Variants in CDC42BPB observed in about 807,000 individuals in gnomAD.
CDC42BPB encodes CDC42 binding protein kinase beta, also known as serine/threonine-protein kinase MRCK beta.
CDC42BPB carries 37 observed loss-of-function variants against 214.9 expected under a neutral mutation model. The ratio of observed to expected loss-of-function variants is 0.17; its 90% CI spans 0.13 to 0.23. The LOEUF (loss-of-function observed/expected upper bound fraction) is 0.23, where lower values mean the gene tolerates loss of function less well. Ranked by LOEUF, CDC42BPB falls within the 10% of genes least tolerant of loss-of-function variation. The pLI is 1.00. For synonymous variants in CDC42BPB, 931 were observed against 884.0 expected, an observed-to-expected ratio of 1.05 and a Z score of -0.94; for missense variants, 1,694 against 2,227.0, an observed-to-expected ratio of 0.76 and a Z score of 4.82.
chr14:103,014,832 G>C (rs1886363854), intron 1 of CDC42BPB, among the ~76,000 whole-genome samples: 1 of 152,160 alleles, frequency 6.6e-6, no homozygotes, highest in African/African-American at 2.4e-5. Context: ...ACTCCAGCCT[G>C]GGCGACAGAG....
chr14:103,025,513 A>G (rs1164887262), intron 1 of CDC42BPB, among the ~76,000 whole-genome samples: 2 of 151,930 alleles, frequency 1.3e-5, no homozygotes, highest in Non-Finnish European at 2.9e-5. Flanking sequence ...CATTAAAAAA[A>G]AAAAAAGAAA....
chr14:103,042,871 C>T (rs1009661451), intron 1 of CDC42BPB, among the ~76,000 whole-genome samples: 7 of 152,190 alleles, frequency 4.6e-5, no homozygotes, highest in African/African-American at 1.7e-4. Context: ...CTGGCAGTTC[C>T]TCAGGATGCT....
intron 1 of CDC42BPB, among the ~76,000 whole-genome samples, chr14:103,054,905 C>G (rs561833041): frequency 1.3e-5 from 2 of 152,252 alleles, no homozygotes; most frequent in Non-Finnish European, 2.9e-5. Context: ...CCAGGGAAGC[C>G]CACCAGTAAT....
chr14:102,938,456 G>A, intron 34 of CDC42BPB, 45 bp from the exon 35 acceptor site: 1 of 1,506,072 alleles, frequency 6.6e-7, no homozygotes, highest in South Asian at 1.3e-5. Context: ...TTGACACCCG[G>A]CAGGGCCGGC....
chr14:103,046,664 C>CT (rs948797783), intron 1 of CDC42BPB, among the ~76,000 whole-genome samples: 6 of 151,884 alleles, frequency 4.0e-5, no homozygotes, highest in African/African-American at 1.5e-4. Flanking sequence ...AACAACAACA[C>CT]TTTTTTTTGG....
chr14:102,939,625 G>T lies in CDC42BPB; in HGVS notation c.4812C>A (p.Leu1604=). ...HMGPGDGMQV[L]MDLPLSAVPP... Reference sequence around the variant, plus strand: ...GTGCACGCACCAGAGGCAGGTCCATGAGCACCTGCATGCCGTCGCCTGGGC... The same window carrying T: ...GTGCACGCACCAGAGGCAGGTCCATTAGCACCTGCATGCCGTCGCCTGGGC... Residue 1604 remains leucine (L), a synonymous_variant, in exon 34 of 37, where the codon CTC becomes CTA. Transcript: ENST00000361246. 2 of 1,612,094 alleles carry T rather than the reference G, an allele frequency of 1.2e-6. No individual in the cohort carries two copies. Among genetic ancestry groups the T allele is most frequent in the South Asian group, 1.1e-5 (1 of 91,052 alleles).
intron 6 of CDC42BPB, 37 bp downstream of exon 6, chr14:102,986,450 C>A: frequency 1.3e-6 from 2 of 1,546,958 alleles, no homozygotes; most frequent in East Asian, 2.3e-5. Flanking sequence ...ATGCCAAACC[C>A]AAAACCAAAT....
intron 30 of CDC42BPB, chr14:102,941,133 T>G: frequency 1.0e-6 from 1 of 985,472 alleles, no homozygotes; most frequent in East Asian, 1.1e-4. Context: ...AGTCCCTCTG[T>G]GTGGGTGGCA....
At chr14:102,992,248 G>A (rs1007005552) in intron 5 of CDC42BPB, among the ~76,000 whole-genome samples, 1 of 152,150 alleles carries the variant, frequency 6.6e-6, no homozygotes, top group African/African-American at 2.4e-5. Flanking sequence ...GAATACCTGT[G>A]ACATATCTCA....
intron 1 of CDC42BPB, among the ~76,000 whole-genome samples, chr14:103,016,933 G>T (rs1444980477): frequency 6.6e-6 from 1 of 152,156 alleles, no homozygotes; most frequent in African/African-American, 2.4e-5. Flanking sequence ...CTCCAGAGCT[G>T]GGTCAGGAAA....
intron 1 of CDC42BPB, among the ~76,000 whole-genome samples, chr14:103,052,770 C>T (rs2301126): frequency 6.6e-5 from 10 of 152,050 alleles, no homozygotes; most frequent in Non-Finnish European, 1.5e-4. Flanking sequence ...CCTGGTCTGA[C>T]GGCCACACAG....
In CDC42BPB at chr14:102,940,026, C is replaced by T. The variant is rs531719890; in HGVS notation, c.4591+20G>A. On this transcript the variant is annotated intron_variant, in intron 32 of 36. Transcript: ENST00000361246. ...CTCCAACTTCCCTTCCCTCCACTCC[C>T]GGTGCAGAGGAAGGCTCACCCGAGA... 1.5e-5 allele frequency: 24 copies of T among 1,613,940 alleles called. No homozygotes were observed. Among genetic ancestry groups the T allele is most frequent in the African/African-American group, 5.3e-5 (4 of 75,080 alleles).
At chr14:102,960,494 T>C (rs979137489) in intron 20 of CDC42BPB, among the ~76,000 whole-genome samples, 2 of 152,166 alleles carry the variant, frequency 1.3e-5, no homozygotes, top group African/African-American at 2.4e-5. Flanking sequence ...TGGTGGCATG[T>C]GCCTGTGGTC....
chr14:102,984,483 G>A (rs1001508707), intron 6 of CDC42BPB, among the ~76,000 whole-genome samples: 10 of 152,110 alleles, frequency 6.6e-5, no homozygotes, highest in African/African-American at 2.4e-4. Context: ...CCTGGACAGC[G>A]CACCAGGAGG....
rs1296133713 is a variant in CDC42BPB at position 102,966,682 on chromosome 14, CT to C, written c.2472-296del. On this transcript the variant is annotated intron_variant, in intron 17 of 36. Transcript: ENST00000361246. Reference sequence around the variant, plus strand: ...CCCACAAAAATTAAAAATAAAAACTCTTTTTTTAATTACAACTTCACACCTT... The same window carrying C: ...CCCACAAAAATTAAAAATAAAAACTCTTTTTTAATTACAACTTCACACCTT... The C allele has an allele frequency of 1.6e-5, 4 of 245,256 alleles. No individual in the cohort carries two copies. The South Asian group carries it at 4.5e-4, about 28-fold the overall frequency. 15.2% of individuals were successfully genotyped at this position (245,256 alleles called of 1,614,324 possible).
chr14:102,961,346 T>G (rs1453767820), intron 20 of CDC42BPB, among the ~76,000 whole-genome samples: 2 of 152,110 alleles, frequency 1.3e-5, no homozygotes. Context: ...TTTTTTTTTT[T>G]TCTTGACAGA....
intron 5 of CDC42BPB, among the ~76,000 whole-genome samples, chr14:102,993,458 T>A: frequency 6.6e-6 from 1 of 151,976 alleles, no homozygotes; most frequent in Non-Finnish European, 1.5e-5. Context: ...CGTCCACCAG[T>A]TTTTCTGCAT....
At chr14:103,016,578 T>TG (rs796964829) in intron 1 of CDC42BPB, among the ~76,000 whole-genome samples, 6 of 115,334 alleles carry the variant, frequency 5.2e-5, no homozygotes, top group African/African-American at 1.9e-4. Flanking sequence ...TGAGGGAGGG[T>TG]GGTCCTCTTG....
chr14:103,025,529 AAGG>A (rs1484512451), intron 1 of CDC42BPB, among the ~76,000 whole-genome samples: 4 of 151,952 alleles, frequency 2.6e-5, no homozygotes, highest in African/African-American at 9.7e-5. Flanking sequence ...AGAAAAAAAA[AAGG>A]AGGAGCCAGG....
Sources: allele counts gnomAD v4.1 joint callset (sites outside exome capture counted in the v4.1 genomes callset), GRCh38; gene constraint gnomAD v4.1.1; transcripts MANE v1.5; gene names NCBI Gene and HGNC (gene_info 2026-07-23, HGNC 2026-07-21).